CLEC16A: variants seen among roughly 807,000 people sequenced by gnomAD.
CLEC16A encodes protein CLEC16A.
CLEC16A carries 51 observed loss-of-function variants against 109.5 expected under a neutral mutation model. The observed-to-expected ratio is 0.47, with a 90% CI of 0.37 to 0.59. The LOEUF is 0.59. Among genes scored for constraint, CLEC16A ranks in the 20% least tolerant of loss-of-function variants. The pLI, the probability that CLEC16A is intolerant of heterozygous loss-of-function variation, is 0.00. For synonymous variants in CLEC16A, 673 were observed against 564.2 expected, an observed-to-expected ratio of 1.19 and a Z score of -2.73; for missense variants, 1,339 against 1,394.0, an observed-to-expected ratio of 0.96 and a Z score of 0.63.
intron 19 of CLEC16A, among the ~76,000 whole-genome samples, chr16:11,107,001 A>C (rs1478299082): frequency 6.6e-6 from 1 of 152,128 alleles, no homozygotes; most frequent in Non-Finnish European, 1.5e-5. Context: ...TTAGGAGAAC[A>C]CAAGAGTTTT....
In CLEC16A at chr16:11,152,812, C is replaced by A. The variant is rs145480486; in HGVS notation, c.2642-13576C>A. ...CTCCAGCCTCCCTCTGACACTGCTC[C>A]CCTGTGTCAAAGGGGAAGAAAGTCC... is the stretch of plus-strand genomic sequence containing the variant. On this transcript the variant is annotated intron_variant, in intron 22 of 23. Coordinates refer to ENST00000409790, the MANE Select transcript of CLEC16A (RefSeq NM_015226.3). Among the ~76,000 whole-genome samples, 147 of 152,266 alleles carry A rather than the reference C, an allele frequency of 9.7e-4. 1 individual carries two copies. The highest frequency in any genetic ancestry group is 3.3e-3 in the African/African-American group (138 of 41,534).
Position 11,120,736 on chromosome 16 carries a change from G to T in CLEC16A, c.2238G>T (p.Trp746Cys), listed in dbSNP as rs1463942949. ...LVEPDVSRLG[W>C]GVVKFAGLLQ... ...AGCCTGATGTGTCCAGGCTTGGCTGGGGAGTGGTCAAGTTTGCAGGCCTAT... is the reference window on the plus strand; with the variant it reads ...AGCCTGATGTGTCCAGGCTTGGCTGTGGAGTGGTCAAGTTTGCAGGCCTAT... Residue 746 changes from tryptophan (W) to cysteine (C), a missense_variant, in exon 20 of 24, where the codon TGG becomes TGT. Trp to Cys is a radical substitution (Grantham distance 215). This residue lies in a region of CLEC16A where 1,061 missense variants were observed against 1,006.8 expected (regional missense o/e 1.05). Transcript: ENST00000409790. The T allele has an allele frequency of 1.3e-6, 2 of 1,581,322 alleles. No individual in the cohort carries two copies. The highest frequency in any genetic ancestry group is 1.7e-6 in the Non-Finnish European group (2 of 1,162,730).
At chr16:11,145,629 A>C (rs1033223876) in intron 22 of CLEC16A, among the ~76,000 whole-genome samples, 2 of 152,270 alleles carry the variant, frequency 1.3e-5, no homozygotes, top group Non-Finnish European at 1.5e-5. Flanking sequence ...AGCATACGTT[A>C]CCAAGTGGGT....
At chr16:10,994,044 C>T (rs778322317) in intron 10 of CLEC16A, among the ~76,000 whole-genome samples, 5 of 152,300 alleles carry the variant, frequency 3.3e-5, no homozygotes, top group Middle Eastern at 3.4e-3. Context: ...GCTGAGCACG[C>T]GGCTGCAAGA....
chr16:11,122,777 C>T (rs764202658), intron 20 of CLEC16A, among the ~76,000 whole-genome samples: 24 of 152,074 alleles, frequency 1.6e-4, no homozygotes, highest in Non-Finnish European at 1.5e-4. Flanking sequence ...TATGCAGAGT[C>T]CGTTCTGAGG....
At chr16:11,165,766 G>A (rs913969478) in intron 22 of CLEC16A, among the ~76,000 whole-genome samples, 4 of 152,162 alleles carry the variant, frequency 2.6e-5, no homozygotes, top group Admixed American at 2.6e-4. Context: ...AGAAACGTGT[G>A]GGCAGACTCC....
chr16:10,952,143 T>C (rs1480703864), intron 1 of CLEC16A, among the ~76,000 whole-genome samples: 2 of 152,230 alleles, frequency 1.3e-5, no homozygotes, highest in Non-Finnish European at 2.9e-5. Context: ...TTCTCTTTCA[T>C]TGTTGTCAAA....
At chr16:11,101,116 T>A (rs28538852) in intron 19 of CLEC16A, among the ~76,000 whole-genome samples, 1 of 152,204 alleles carries the variant, frequency 6.6e-6, no homozygotes, top group Non-Finnish European at 1.5e-5. Context: ...GTAAACTCTT[T>A]GTTCGTGTTA....
At chr16:11,092,522 T>C (rs1169173938) in intron 19 of CLEC16A, among the ~76,000 whole-genome samples, 3 of 152,108 alleles carry the variant, frequency 2.0e-5, no homozygotes, top group African/African-American at 7.2e-5. Context: ...CCAGCCTGGC[T>C]CTGTCTCAAA....
intron 11 of CLEC16A, among the ~76,000 whole-genome samples, chr16:11,018,901 C>T (rs2045928428): frequency 6.6e-6 from 1 of 152,114 alleles, no homozygotes. Context: ...TGGATTTCAT[C>T]TTGAGAGTGA....
intron 1 of CLEC16A, among the ~76,000 whole-genome samples, chr16:10,948,428 G>T (rs1398383172): frequency 6.6e-6 from 1 of 152,204 alleles, no homozygotes; most frequent in African/African-American, 2.4e-5. Flanking sequence ...AAGTAGTCAA[G>T]AGGTTATTTG....
chr16:10,950,144 A>C (rs979514574), intron 1 of CLEC16A, among the ~76,000 whole-genome samples: 1 of 152,112 alleles, frequency 6.6e-6, no homozygotes, highest in Non-Finnish European at 1.5e-5. Flanking sequence ...CTCGGCCTTG[A>C]GTTAGACCCT....
intron 20 of CLEC16A, among the ~76,000 whole-genome samples, chr16:11,121,857 G>A (rs895746954): frequency 6.9e-6 from 1 of 144,226 alleles, no homozygotes; most frequent in African/African-American, 2.6e-5. Context: ...TCCAGCCTGG[G>A]CGGCAGAGTG....
chr16:11,013,103 A>T (rs2045537575), intron 11 of CLEC16A, among the ~76,000 whole-genome samples: 1 of 152,170 alleles, frequency 6.6e-6, no homozygotes, highest in African/African-American at 2.4e-5. Context: ...AAACCAGAAT[A>T]TGTGGCAAAA....
intron 10 of CLEC16A, among the ~76,000 whole-genome samples, chr16:10,985,835 A>G (rs1248765356): frequency 1.7e-5 from 2 of 117,636 alleles, no homozygotes; most frequent in Non-Finnish European, 3.7e-5. Flanking sequence ...CCTCCCAAGT[A>G]GCTGGGATTA....
chr16:11,049,595 A>G (rs1453446430), intron 17 of CLEC16A, among the ~76,000 whole-genome samples: 1 of 152,248 alleles, frequency 6.6e-6, no homozygotes, highest in Non-Finnish European at 1.5e-5. Flanking sequence ...TCTGAAAATC[A>G]GTCCTCAGCC....
chr16:11,128,774 CT>C lies in CLEC16A; in HGVS notation c.2641+2632del, dbSNP rs542777366. Among the ~76,000 whole-genome samples, 7 of 152,220 alleles carry C rather than the reference CT, an allele frequency of 4.6e-5. No homozygotes were observed. The East Asian group carries it at 1.4e-3, about 29-fold the overall frequency. On this transcript the variant is annotated intron_variant, in intron 22 of 23. Coordinates refer to ENST00000409790, the MANE Select transcript of CLEC16A (RefSeq NM_015226.3). ...CAGCACTTTGGAATCATTCTTAAAA[CT>C]TTTCACCCTGCTTCCACACCCACCA...
chr16:11,027,713 A>G, intron 13 of CLEC16A: 2 of 1,579,386 alleles, frequency 1.3e-6, no homozygotes, highest in African/African-American at 1.3e-5. Context: ...AGATGGGCAC[A>G]CTTGGCTATC....
rs200279769 is a variant in CLEC16A, at chr16:11,178,514, G to A, written c.2986G>A (p.Glu996Lys). 5.5e-5 allele frequency: 89 copies of A among 1,613,318 alleles called. No homozygotes were observed. Among genetic ancestry groups the A allele is most frequent in the Middle Eastern group, 1.6e-4 (1 of 6,084 alleles). Residue 996 changes from glutamate to lysine, a missense_variant, in exon 24 of 24, where the codon GAG becomes AAG. Physicochemically the swap from Glu to Lys is moderately conservative, Grantham distance 56. This residue lies in a region of CLEC16A where 1,061 missense variants were observed against 1,006.8 expected (regional missense o/e 1.05). Transcript: ENST00000409790. This position sits in a 1 kb window ranked among gnomAD's most constrained non-coding sequence, Gnocchi z 6.5. ...GCAGCCCACCATTTCCCTGCTCTGC[G>A]AGGACACGGCTGACACGCTGAGCGT... is the stretch of plus-strand genomic sequence containing the variant. ...ARQPTISLLC[E>K]DTADTLSVES...
Sources: gnomAD v4.1 joint callset for allele counts (sites outside exome capture counted in the v4.1 genomes callset) on GRCh38, gnomAD v4.1.1 for gene constraint, gnomAD v4.1.1 regional missense constraint, Gnocchi (gnomAD v3.1) non-coding constraint, MANE v1.5 for transcripts, NCBI Gene and HGNC (gene_info 2026-07-23, HGNC 2026-07-21) for gene names.